CDH4: variants seen among roughly 807,000 people sequenced by gnomAD.
CDH4 encodes cadherin 4.
CDH4 carries 33 observed loss-of-function variants against 86.0 expected under a neutral mutation model. The observed-to-expected ratio is 0.38, with a 90% CI of 0.29 to 0.51. CDH4 has a LOEUF of 0.51. Among genes scored for constraint, CDH4 ranks in the 20% least tolerant of loss-of-function variants. The probability of loss-of-function intolerance (pLI) is 0.86; values close to 1 mark genes in which losing one functional copy is unlikely to be tolerated. For synonymous variants in CDH4, 555 were observed against 549.4 expected (o/e 1.01, Z -0.14); for missense variants, 1,114 against 1,307.4 (o/e 0.85, Z 2.28).
At chr20:61,781,353 A>G (rs2096230) in intron 4 of CDH4, among the ~76,000 whole-genome samples, 64,954 of 152,080 alleles carry the variant, frequency 0.43, 14,792 homozygotes, top group East Asian at 0.74. Flanking sequence ...AAGGCCTTTA[A>G]CATAATGCTT....
At chr20:61,486,466 C>G (rs1312039293) in intron 2 of CDH4, among the ~76,000 whole-genome samples, 1 of 152,270 alleles carries the variant, frequency 6.6e-6, no homozygotes, top group Admixed American at 6.5e-5. Flanking sequence ...GAGGACAAGA[C>G]TGGCTGTAGC....
chr20:61,539,961 C>T (rs1358441012), intron 2 of CDH4, among the ~76,000 whole-genome samples: 9 of 152,312 alleles, frequency 5.9e-5, no homozygotes, highest in Admixed American at 4.6e-4. Flanking sequence ...GTCCAATTCC[C>T]TCCCAGCTTC....
At chr20:61,347,606 G>T (rs553839560) in intron 2 of CDH4, among the ~76,000 whole-genome samples, 4 of 152,170 alleles carry the variant, frequency 2.6e-5, no homozygotes, top group Non-Finnish European at 5.9e-5. Flanking sequence ...TAGTGTGAGC[G>T]CTGAGAGACA....
At chr20:61,688,915 C>G (rs1181759679) in intron 2 of CDH4, among the ~76,000 whole-genome samples, 1 of 152,268 alleles carries the variant, frequency 6.6e-6, no homozygotes, top group African/African-American at 2.4e-5. Flanking sequence ...GGTCCTCCTT[C>G]AAGATCTTCT....
intron 2 of CDH4, among the ~76,000 whole-genome samples, chr20:61,320,524 G>C (rs2084502201): frequency 6.6e-6 from 1 of 151,980 alleles, no homozygotes; most frequent in Admixed American, 6.6e-5. Flanking sequence ...CAGCCAGAGG[G>C]TCTCAACTGG....
At chr20:61,522,513 T>C (rs531379241) in intron 2 of CDH4, among the ~76,000 whole-genome samples, 3 of 152,268 alleles carry the variant, frequency 2.0e-5, no homozygotes, top group Admixed American at 6.5e-5. Flanking sequence ...TGGAATGGAA[T>C]GGTTATGGTT....
At chr20:61,653,212 G>A (rs1377050424) in intron 2 of CDH4, among the ~76,000 whole-genome samples, 2 of 130,782 alleles carry the variant, frequency 1.5e-5, no homozygotes, top group Non-Finnish European at 1.7e-5. Flanking sequence ...ATTTAACCCT[G>A]AGTGGACGCA....
Position 61,924,364 on chromosome 20 carries a change from G to C in CDH4, c.1659G>C (p.Trp553Cys), listed in dbSNP as rs1377195616. ...CAAAGCTGTCAGACCCAGCGAGCTG[G>C]CTGCACATCAATGCCACCAACGGCC... ...RYSKLSDPAS[W>C]LHINATNGQI... The change falls in exon 11 of 16, where the codon TGG becomes TGC. Residue 553 changes from tryptophan to cysteine, a missense_variant. This residue lies in a region of CDH4 where 705 missense variants were observed against 914.1 expected (regional missense o/e 0.77). Coordinates refer to ENST00000614565, the MANE Select transcript of CDH4 (RefSeq NM_001794.5). The C allele has an allele frequency of 3.7e-6, 6 of 1,613,696 alleles. No homozygotes were observed. The highest frequency in any genetic ancestry group is 4.2e-6 in the Non-Finnish European group (5 of 1,179,958).
Position 61,929,655 on chromosome 20 carries a change from GA to G in CDH4, c.2053del (p.Met685CysfsTer62). ...SLRILYLEAG[M>X]YDVPIIVTDS... is the part of the protein sequence containing the mutation. ...TGCGCATCCTGTACCTGGAGGCCGG[GA>G]TGTATGACGTCCCCATCATCGTCAC... On this transcript the variant is annotated frameshift_variant, in exon 13 of 16. Transcript: ENST00000614565. LOFTEE classifies it high-confidence loss of function. The G allele has an allele frequency of 6.2e-7, 1 of 1,614,128 alleles. No individual in the cohort carries two copies. Among genetic ancestry groups the G allele is most frequent in the Non-Finnish European group, 8.5e-7 (1 of 1,180,036 alleles).
At chr20:61,333,725 G>C (rs760365168) in intron 2 of CDH4, among the ~76,000 whole-genome samples, 1 of 152,372 alleles carries the variant, frequency 6.6e-6, no homozygotes, top group East Asian at 1.9e-4. Flanking sequence ...TGCGCTTTCA[G>C]GCGAAGAGCA....
At chr20:61,515,934 G>A (rs372403339) in intron 2 of CDH4, among the ~76,000 whole-genome samples, 2 of 151,526 alleles carry the variant, frequency 1.3e-5, no homozygotes, top group African/African-American at 2.4e-5. Context: ...CCCCCATCCC[G>A]CAGTCTATCC....
At position 61,392,691 on chromosome 20, in the gene CDH4, T is replaced by C. The variant is rs2084992966; in HGVS notation, c.169+137754T>C. Among the ~76,000 whole-genome samples, 1 of 152,200 alleles carries C rather than the reference T, an allele frequency of 6.6e-6. No individual in the cohort carries two copies. Among genetic ancestry groups the C allele is most frequent in the African/African-American group, 2.4e-5 (1 of 41,440 alleles). ...ACTCCCTTGGGTTCTCATCTTCTGA[T>C]TCAAAAGACATTTTCCCGTGCTGTT... On this transcript the variant is annotated intron_variant, in intron 2 of 15. Coordinates refer to ENST00000614565, the MANE Select transcript of CDH4 (RefSeq NM_001794.5). This position sits in a 1 kb window ranked among gnomAD's most constrained non-coding sequence, Gnocchi z 5.7.
chr20:61,415,612 G>A (rs992831893), intron 2 of CDH4, among the ~76,000 whole-genome samples: 3 of 152,094 alleles, frequency 2.0e-5, no homozygotes, highest in Non-Finnish European at 4.4e-5. Flanking sequence ...CCCCAAACAG[G>A]TAGAATCATA....
At chr20:61,828,277 GCACCCAC>G (rs1981418591) in intron 4 of CDH4, among the ~76,000 whole-genome samples, 1 of 152,164 alleles carries the variant, frequency 6.6e-6, no homozygotes, top group Admixed American at 6.5e-5. Flanking sequence ...TCTAACGAAA[GCACCCAC>G]CACCCGCCAC....
At chr20:61,929,128 T>G (rs552836667) in intron 12 of CDH4, among the ~76,000 whole-genome samples, 126 of 151,684 alleles carry the variant, frequency 8.3e-4, no homozygotes, top group Non-Finnish European at 1.3e-3. Context: ...TCCTACATGT[T>G]GCAATTGCTT....
intron 2 of CDH4, among the ~76,000 whole-genome samples, chr20:61,476,291 G>A (rs1307118819): frequency 6.6e-6 from 1 of 152,208 alleles, no homozygotes; most frequent in Non-Finnish European, 1.5e-5. Flanking sequence ...ATGCGCCCTG[G>A]TTCCTGTCCT....
chr20:61,395,183 G>C (rs1416464624), intron 2 of CDH4, among the ~76,000 whole-genome samples: 2 of 151,526 alleles, frequency 1.3e-5, no homozygotes, highest in Non-Finnish European at 2.9e-5. Context: ...TTTGTCAAAA[G>C]AAAAAATGCT....
intron 2 of CDH4, among the ~76,000 whole-genome samples, chr20:61,602,694 TAAAAAAA>T (rs10641053): frequency 0.013 from 1,163 of 89,132 alleles, 21 homozygotes; most frequent in African/African-American, 0.048. Flanking sequence ...TTCACTTTAT[TAAAAAAA>T]AAAAAAAAAA....
At chr20:61,423,781 A>G (rs2085193606) in intron 2 of CDH4, among the ~76,000 whole-genome samples, 1 of 152,190 alleles carries the variant, frequency 6.6e-6, no homozygotes, top group South Asian at 2.1e-4. Context: ...CTCTCTCAGC[A>G]TCCGAGCAAG....
Sources: gnomAD v4.1 joint callset for allele counts (sites outside exome capture counted in the v4.1 genomes callset) on GRCh38, gnomAD v4.1.1 for gene constraint, gnomAD v4.1.1 regional missense constraint, Gnocchi (gnomAD v3.1) non-coding constraint, MANE v1.5 for transcripts, NCBI Gene and HGNC (gene_info 2026-07-23, HGNC 2026-07-21) for gene names.